The following SMYD3 variants were observed in gnomAD, a reference collection of about 807,000 sequenced individuals.
The protein encoded by SMYD3 is histone-lysine N-methyltransferase SMYD3.
SMYD3 carries 36 observed loss-of-function variants against 57.7 expected under a neutral mutation model. That is an observed-to-expected ratio of 0.62 (90% confidence interval 0.48 to 0.82). SMYD3 has a LOEUF of 0.82. Ranked by LOEUF, SMYD3 falls within the 40% of genes least tolerant of loss-of-function variation. The pLI is 0.00. For missense variants in SMYD3, 515 were observed against 538.8 expected (o/e 0.96, Z 0.44); for synonymous variants, 211 against 195.0 (o/e 1.08, Z -0.68).
chr1:246,288,062 CTTTTTTTTTTTT>C (rs67603439), intron 5 of SMYD3, among the ~76,000 whole-genome samples: 9 of 64,210 alleles, frequency 1.4e-4, no homozygotes, highest in Admixed American at 2.1e-4. Context: ...TCAGGTAATT[CTTTTTTTTTTTT>C]TTTTTTTTTT....
At chr1:246,274,979 G>A (rs554429434) in intron 5 of SMYD3, among the ~76,000 whole-genome samples, 7 of 152,122 alleles carry the variant, frequency 4.6e-5, no homozygotes, top group Admixed American at 6.6e-5. Flanking sequence ...CCTCACAGTT[G>A]TTCCTGCTAC....
intron 5 of SMYD3, among the ~76,000 whole-genome samples, chr1:246,235,174 T>C (rs752995288): frequency 9.2e-5 from 14 of 152,182 alleles, no homozygotes; most frequent in Non-Finnish European, 1.8e-4. Context: ...GCAGAAGATA[T>C]ACAATCATAG....
At chr1:246,346,408 A>G (rs1166293040) in intron 2 of SMYD3, among the ~76,000 whole-genome samples, 1 of 152,178 alleles carries the variant, frequency 6.6e-6, no homozygotes, top group Non-Finnish European at 1.5e-5. Context: ...TCAAGAAAAA[A>G]CTATAAGACA....
chr1:246,001,623 C>T (rs1470467402), intron 5 of SMYD3, among the ~76,000 whole-genome samples: 2 of 152,174 alleles, frequency 1.3e-5, no homozygotes, highest in Non-Finnish European at 2.9e-5. Context: ...AATAATAATC[C>T]TATACATAAA....
At position 246,355,161 on chromosome 1, in the gene SMYD3, G is replaced by C. The variant is rs1346811934; in HGVS notation, c.165-67C>G. ...GAAACATAGTACATAGTTGAAGAAAGAAAACATAAGTCAACATACGGACAC... is the reference window on the plus strand; with the variant it reads ...GAAACATAGTACATAGTTGAAGAAACAAAACATAAGTCAACATACGGACAC... On this transcript the variant is annotated intron_variant, in intron 1 of 11. Transcript: ENST00000490107. The surrounding 1 kb of genome is among the most constrained non-coding windows in gnomAD (Gnocchi z 5.0). 2.0e-6 allele frequency: 3 copies of C among 1,480,848 alleles called. No homozygotes were observed. The highest frequency in any genetic ancestry group is 1.7e-5 in the Admixed American group (1 of 59,578). 91.7% of individuals were successfully genotyped at this position (1,480,848 alleles called of 1,614,324 possible). A position where few individuals can be genotyped will look rare whatever the true frequency, so the allele number is the denominator to read the frequency against.
At chr1:246,050,269 C>G (rs1287349222) in intron 5 of SMYD3, among the ~76,000 whole-genome samples, 1 of 152,144 alleles carries the variant, frequency 6.6e-6, no homozygotes, top group Non-Finnish European at 1.5e-5. Flanking sequence ...GTGCAACACA[C>G]ACAAAAATAG....
At chr1:246,427,683 G>C (rs890517132) in intron 1 of SMYD3, among the ~76,000 whole-genome samples, 22 of 151,924 alleles carry the variant, frequency 1.4e-4, no homozygotes, top group African/African-American at 5.3e-4. Flanking sequence ...GGGCAACACA[G>C]GGAGACTCCA....
At position 246,326,316 on chromosome 1, in the gene SMYD3, G is replaced by A. The variant is rs2065347823; in HGVS notation, c.531+885C>T. The A allele has an allele frequency of 4.5e-6, 3 of 667,620 alleles. No homozygotes were observed. In the South Asian group the frequency reaches 5.1e-5, roughly 11 times the overall value. 41.4% of individuals were successfully genotyped at this position (667,620 alleles called of 1,614,324 possible). ...ACAATGTGAGAAAGCGAGGACAGCAGATCCATAGCAGTGAGGGGGTGTTTC... is the reference window on the plus strand; with the variant it reads ...ACAATGTGAGAAAGCGAGGACAGCAAATCCATAGCAGTGAGGGGGTGTTTC... On this transcript the variant is annotated intron_variant, in intron 5 of 11. Transcript: ENST00000490107.
intron 5 of SMYD3, among the ~76,000 whole-genome samples, chr1:246,136,776 T>C (rs1455947922): frequency 6.6e-6 from 1 of 152,216 alleles, no homozygotes; most frequent in Non-Finnish European, 1.5e-5. Flanking sequence ...AGTTGCTGAA[T>C]GGTAGGCTGG....
intron 1 of SMYD3, among the ~76,000 whole-genome samples, chr1:246,478,771 A>G (rs1443494131): frequency 6.8e-5 from 1 of 14,602 alleles, no homozygotes; most frequent in Admixed American, 9.5e-4. Flanking sequence ...AAGTGCTCAT[A>G]TATGTACACC....
At chr1:246,439,240 G>A (rs1418696632) in intron 1 of SMYD3, among the ~76,000 whole-genome samples, 1 of 151,962 alleles carries the variant, frequency 6.6e-6, no homozygotes, top group African/African-American at 2.4e-5. Flanking sequence ...GAGACTACAG[G>A]CAAACACCAC....
At chr1:246,175,827 T>C (rs928370418) in intron 5 of SMYD3, among the ~76,000 whole-genome samples, 3 of 152,202 alleles carry the variant, frequency 2.0e-5, no homozygotes, top group Admixed American at 6.5e-5. Context: ...TTCAAATACA[T>C]TGTAAATGAA....
At chr1:246,367,004 A>G (rs956279326) in intron 1 of SMYD3, among the ~76,000 whole-genome samples, 3 of 152,158 alleles carry the variant, frequency 2.0e-5, no homozygotes, top group African/African-American at 7.2e-5. Context: ...TTTGGGGAAA[A>G]AAAGAGAAAT....
At chr1:246,122,454 T>C (rs1282436818) in intron 5 of SMYD3, among the ~76,000 whole-genome samples, 1 of 152,180 alleles carries the variant, frequency 6.6e-6, no homozygotes, top group African/African-American at 2.4e-5. Context: ...GAAGGTGTAT[T>C]CGTATATGAC....
chr1:245,881,046 T>C (rs957748636), intron 8 of SMYD3, among the ~76,000 whole-genome samples: 1 of 152,210 alleles, frequency 6.6e-6, no homozygotes, highest in Non-Finnish European at 1.5e-5. Flanking sequence ...CCTGGGCTTA[T>C]AGGCCCCTAT....
chr1:246,410,806 T>C (rs370983935), intron 1 of SMYD3, among the ~76,000 whole-genome samples: 1 of 152,026 alleles, frequency 6.6e-6, no homozygotes, highest in East Asian at 1.9e-4. Context: ...GTCCTGGACT[T>C]TTTTTGGTTG....
intron 5 of SMYD3, among the ~76,000 whole-genome samples, chr1:246,005,715 C>T (rs2059156710): frequency 6.6e-6 from 1 of 152,140 alleles, no homozygotes; most frequent in Admixed American, 6.5e-5. Context: ...ACTGCAGAAT[C>T]CTCTCACAAA....
chr1:245,871,749 G>C (rs2052205037), intron 8 of SMYD3, among the ~76,000 whole-genome samples: 1 of 152,124 alleles, frequency 6.6e-6, no homozygotes, highest in African/African-American at 2.4e-5. Flanking sequence ...TCTCTAAGGA[G>C]ATGCACCTTC....
intron 5 of SMYD3, among the ~76,000 whole-genome samples, chr1:246,040,483 C>T (rs1176122371): frequency 6.6e-6 from 1 of 152,216 alleles, no homozygotes; most frequent in Non-Finnish European, 1.5e-5. Context: ...GCTGATGCTG[C>T]CGTCTGAGCA....
Sources: gnomAD v4.1 joint callset for allele counts (sites outside exome capture counted in the v4.1 genomes callset) on GRCh38, gnomAD v4.1.1 for gene constraint, Gnocchi (gnomAD v3.1) non-coding constraint, MANE v1.5 for transcripts, NCBI Gene and HGNC (gene_info 2026-07-23, HGNC 2026-07-21) for gene names.